Variants in TEAD4 observed in about 807,000 individuals in gnomAD.
The protein encoded by TEAD4 is TEA domain transcription factor 4, also known as transcriptional enhancer factor TEF-3.
TEAD4 carries 36 observed loss-of-function variants against 52.4 expected under a neutral mutation model. The ratio of observed to expected loss-of-function variants is 0.69; its 90% CI spans 0.53 to 0.91. TEAD4 has a LOEUF of 0.91. Ranked by LOEUF, TEAD4 falls within the 40% of genes least tolerant of loss-of-function variation. The pLI is 0.00. For missense variants in TEAD4, 508 were observed against 583.9 expected, an observed-to-expected ratio of 0.87 and a Z score of 1.34; for synonymous variants, 220 against 231.0, an observed-to-expected ratio of 0.95 and a Z score of 0.43.
In TEAD4 at chr12:2,985,587, C is replaced by A. The variant is rs570884887; in HGVS notation, c.-29-9151C>A. On this transcript the variant is annotated intron_variant, in intron 2 of 12. Transcript: ENST00000359864. ...GTGGCACGATCTCGGCTCACTGCAA[C>A]CTCCGCCTCCCGGGTTTAAGCGGTT... is the stretch of plus-strand genomic sequence containing the variant. Among the ~76,000 whole-genome samples the A allele has an allele frequency of 8.1e-5, 11 of 135,280 alleles. No individual in the cohort carries two copies. The South Asian group carries it at 2.6e-3, about 32-fold the overall frequency. 88.7% of individuals were successfully genotyped at this position (135,280 alleles called of 152,430 possible).
At chr12:3,016,998 A>G in intron 5 of TEAD4, 1 of 441,252 alleles carries the variant, frequency 2.3e-6, no homozygotes, top group Non-Finnish European at 4.6e-6. Flanking sequence ...CCGTGTGGCC[A>G]GGGATGATGC....
chr12:2,977,129 G>A (rs2098230377), intron 2 of TEAD4, among the ~76,000 whole-genome samples: 1 of 152,092 alleles, frequency 6.6e-6, no homozygotes, highest in African/African-American at 2.4e-5. Context: ...CGTTATTTGG[G>A]GAGATTGAGA....
chr12:2,962,830 C>T (rs912949290), intron 2 of TEAD4, among the ~76,000 whole-genome samples: 4 of 152,248 alleles, frequency 2.6e-5, no homozygotes, highest in South Asian at 2.1e-4. Flanking sequence ...TGCTTAATGC[C>T]GCAACCCTGG....
At chr12:2,992,952 A>G (rs2098244329) in intron 2 of TEAD4, among the ~76,000 whole-genome samples, 1 of 152,212 alleles carries the variant, frequency 6.6e-6, no homozygotes, top group Non-Finnish European at 1.5e-5. Context: ...GGTTGTGACC[A>G]TGAGCCTCCA....
intron 2 of TEAD4, among the ~76,000 whole-genome samples, chr12:2,988,239 G>A (rs975291811): frequency 2.0e-4 from 31 of 151,664 alleles, no homozygotes; most frequent in Non-Finnish European, 7.4e-5. Context: ...GGGGTCTGGC[G>A]CGGTGGTTCA....
intron 10 of TEAD4, among the ~76,000 whole-genome samples, chr12:3,023,816 A>G (rs1023823578): frequency 1.4e-4 from 21 of 149,712 alleles, no homozygotes; most frequent in Non-Finnish European, 3.0e-4. Context: ...AGTGAAAAGC[A>G]TCATATTCTT....
rs2098259883 is a variant in TEAD4 at position 3,011,032 on chromosome 12, C to A, written c.255C>A (p.Ile85=). 2.5e-6 allele frequency: 4 copies of A among 1,614,154 alleles called. No homozygotes were observed. The highest frequency in any genetic ancestry group is 3.4e-6 in the Non-Finnish European group (4 of 1,180,008). Residue 85 remains isoleucine (I), a synonymous_variant, in exon 4 of 13, where the codon ATC becomes ATA. Transcript: ENST00000359864. Reference sequence around the variant, plus strand: ...GGAACGAGCTGATTGCCCGCTACATCAAGCTCCGGACAGGGAAGACCCGCA... The same window carrying A: ...GGAACGAGCTGATTGCCCGCTACATAAAGCTCCGGACAGGGAAGACCCGCA...
At chr12:3,008,547 A>T (rs1299866345) in intron 3 of TEAD4, among the ~76,000 whole-genome samples, 7 of 152,178 alleles carry the variant, frequency 4.6e-5, no homozygotes, top group Admixed American at 4.6e-4. Context: ...TTGAGCATAG[A>T]CTTGGAGCAG....
chr12:2,975,544 A>G (rs1156859295), intron 2 of TEAD4, among the ~76,000 whole-genome samples: 1 of 151,930 alleles, frequency 6.6e-6, no homozygotes, highest in African/African-American at 2.4e-5. Context: ...ATGCGCCACC[A>G]CACCCAGCTA....
chr12:3,035,823 C>CAAAAA (rs760133553), intron 10 of TEAD4, among the ~76,000 whole-genome samples: 2 of 120,838 alleles, frequency 1.7e-5, no homozygotes, highest in Non-Finnish European at 1.7e-5. Flanking sequence ...CTGTCTTTAA[C>CAAAAA]AAAAAAAAAA....
intron 3 of TEAD4, among the ~76,000 whole-genome samples, chr12:2,997,809 G>C (rs552572659): frequency 6.6e-6 from 1 of 151,072 alleles, no homozygotes; most frequent in Non-Finnish European, 1.5e-5. Flanking sequence ...CTTTTTCGGG[G>C]GGGGGGTGTG....
At chr12:2,995,069 CG>C in intron 3 of TEAD4, 77 bp downstream of exon 3, 1 of 1,529,572 alleles carries the variant, frequency 6.5e-7, no homozygotes. Context: ...GGGTTCCTGC[CG>C]GGCCACAGAA....
At chr12:3,031,608 G>C (rs1364131814) in intron 10 of TEAD4, among the ~76,000 whole-genome samples, 1 of 152,240 alleles carries the variant, frequency 6.6e-6, no homozygotes, top group Non-Finnish European at 1.5e-5. Context: ...GGGCACTCCT[G>C]TTGGATACAT....
rs778390540 is a variant in TEAD4, at chr12:3,019,099, CCTCT to C, written c.528-10_528-7del. The C allele has an allele frequency of 1.2e-6, 2 of 1,613,858 alleles. No homozygotes were observed. Among genetic ancestry groups the C allele is most frequent in the African/African-American group, 1.3e-5 (1 of 74,908 alleles). On this transcript the variant is annotated splice_polypyrimidine_tract_variant and intron_variant, in intron 7 of 12. Coordinates refer to ENST00000359864, the MANE Select transcript of TEAD4 (RefSeq NM_003213.4). Reference sequence around the variant, plus strand: ...CCTGCCCGAGGCTGACACCTCCCCTCCTCTCTCTCCCGCAGTGTGAAGCCTTTCT... The same window carrying C: ...CCTGCCCGAGGCTGACACCTCCCCTCCTCTCCCGCAGTGTGAAGCCTTTCT...
chr12:2,962,098 TTTTATTTTAC>T (rs1315580932), intron 2 of TEAD4, among the ~76,000 whole-genome samples: 3 of 151,202 alleles, frequency 2.0e-5, no homozygotes, highest in Non-Finnish European at 4.4e-5. Context: ...CCCCATTTTA[TTTTATTTTAC>T]TTTATTTTTA....
intron 10 of TEAD4, among the ~76,000 whole-genome samples, chr12:3,027,816 G>A (rs2098272963): frequency 6.6e-6 from 1 of 152,154 alleles, no homozygotes; most frequent in Non-Finnish European, 1.5e-5. Flanking sequence ...GTAGTAAGCT[G>A]AGATCACACC....
intron 2 of TEAD4, among the ~76,000 whole-genome samples, chr12:2,974,223 G>A (rs949836182): frequency 2.0e-5 from 3 of 152,088 alleles, no homozygotes; most frequent in Non-Finnish European, 1.5e-5. Context: ...GGTTGGTCTC[G>A]AACTGTTGAC....
chr12:3,014,822 C>T (rs370349697), intron 5 of TEAD4, among the ~76,000 whole-genome samples: 6 of 152,306 alleles, frequency 3.9e-5, no homozygotes, highest in Non-Finnish European at 5.9e-5. Context: ...GAGCCCCAGC[C>T]GTTTGTTTAG....
chr12:3,011,078 A>G lies in TEAD4; in HGVS notation c.291+10A>G. On this transcript the variant is annotated intron_variant, in intron 4 of 12. Transcript: ENST00000359864. ...CCGCACCAGGAAGCAGGTGGGCCTCAAGAGACGGGTAGGGGTCCCGGGGGT... is the reference window on the plus strand; with the variant it reads ...CCGCACCAGGAAGCAGGTGGGCCTCGAGAGACGGGTAGGGGTCCCGGGGGT... The G allele has an allele frequency of 1.2e-6, 2 of 1,613,710 alleles. No homozygotes were observed. The highest frequency in any genetic ancestry group is 1.7e-6 in the Non-Finnish European group (2 of 1,179,686).
Sources: gnomAD v4.1 joint callset for allele counts (sites outside exome capture counted in the v4.1 genomes callset) on GRCh38, gnomAD v4.1.1 for gene constraint, MANE v1.5 for transcripts, NCBI Gene and HGNC (gene_info 2026-07-23, HGNC 2026-07-21) for gene names.